CLTB: variants seen among roughly 807,000 people sequenced by gnomAD.
CLTB encodes clathrin light chain B, also known as clathrin, light chain (Lcb).
CLTB carries 10 observed loss-of-function variants against 30.5 expected under a neutral mutation model. The observed-to-expected ratio is 0.33, with a 90% CI of 0.20 to 0.56. The LOEUF (loss-of-function observed/expected upper bound fraction) is 0.56, where lower values mean the gene tolerates loss of function less well. CLTB is among the 20% of genes least tolerant of loss of function. The pLI, the probability that CLTB is intolerant of heterozygous loss-of-function variation, is 0.91. For synonymous variants in CLTB, 102 were observed against 120.3 expected, an observed-to-expected ratio of 0.85 and a Z score of 1.00; for missense variants, 261 against 308.3, an observed-to-expected ratio of 0.85 and a Z score of 1.15.
intron 2 of CLTB, among the ~76,000 whole-genome samples, chr5:176,399,877 CA>C (rs750656977): frequency 2.3e-3 from 253 of 108,688 alleles, no homozygotes; most frequent in Admixed American, 2.4e-3. Flanking sequence ...GACTTGGTCT[CA>C]AAAAAAAAAA....
At position 176,393,615 on chromosome 5, in the gene CLTB, C is replaced by T. The variant is rs952592009; in HGVS notation, c.519-670G>A. On this transcript the variant is annotated intron_variant, in intron 5 of 5. Coordinates refer to ENST00000310418, the MANE Select transcript of CLTB (RefSeq NM_007097.5). The surrounding 1 kb of genome is among the most constrained non-coding windows in gnomAD (Gnocchi z 4.4). Reference sequence around the variant, plus strand: ...CCCAAGCGTCTTTCACCACAGAGCCCTTTGTAGCCCAGAACCACCACTGTC... The same window carrying T: ...CCCAAGCGTCTTTCACCACAGAGCCTTTTGTAGCCCAGAACCACCACTGTC... Among the ~76,000 whole-genome samples, 1 of 152,158 alleles carries T rather than the reference C, an allele frequency of 6.6e-6. No individual in the cohort carries two copies. The highest frequency in any genetic ancestry group is 2.4e-5 in the African/African-American group (1 of 41,428).
chr5:176,402,496 G>A (rs145272892), intron 2 of CLTB, among the ~76,000 whole-genome samples: 7 of 152,170 alleles, frequency 4.6e-5, no homozygotes, highest in East Asian at 1.9e-4. Context: ...CCCTAGAATC[G>A]AGGGTCTACA....
At chr5:176,413,623 C>T (rs151147870) in intron 1 of CLTB, among the ~76,000 whole-genome samples, 121 of 152,354 alleles carry the variant, frequency 7.9e-4, no homozygotes, top group African/African-American at 2.2e-3. Context: ...TACTGACTGG[C>T]GGCCGCTGCT....
intron 2 of CLTB, among the ~76,000 whole-genome samples, chr5:176,403,956 C>T (rs1306457786): frequency 1.3e-5 from 2 of 151,960 alleles, no homozygotes; most frequent in Non-Finnish European, 1.5e-5. Context: ...GACAGGGTTT[C>T]ATCATGTTGT....
At chr5:176,399,237 A>G (rs1172774543) in intron 2 of CLTB, among the ~76,000 whole-genome samples, 1 of 152,198 alleles carries the variant, frequency 6.6e-6, no homozygotes, top group African/African-American at 2.4e-5. Context: ...AGCCCAGCAC[A>G]GTGCCTGGCC....
At chr5:176,401,616 T>C in intron 2 of CLTB, 1 of 407,892 alleles carries the variant, frequency 2.5e-6, no homozygotes, top group Non-Finnish European at 5.0e-6. Context: ...CATCGAGACC[T>C]CAGCCTTTAG....
chr5:176,396,605 TTA>T (rs1756535946), intron 4 of CLTB, 73 bp from the exon 5 acceptor site: 9 of 1,070,590 alleles, frequency 8.4e-6, no homozygotes, highest in African/African-American at 6.3e-5. Flanking sequence ...AGGCAGAAGG[TTA>T]GAGAGAGAGA....
At chr5:176,394,530 GGGTGTGGCCA>G (rs1202822670) in intron 5 of CLTB, among the ~76,000 whole-genome samples, 3 of 151,866 alleles carry the variant, frequency 2.0e-5, no homozygotes, top group Admixed American at 1.3e-4. Context: ...AAAATTAGCT[GGGTGTGGCCA>G]GGCGCGGTGG....
intron 5 of CLTB, among the ~76,000 whole-genome samples, chr5:176,394,198 C>T (rs76940847): frequency 9.8e-4 from 150 of 152,332 alleles, no homozygotes; most frequent in African/African-American, 3.4e-3. Context: ...GAGCTATCCT[C>T]GGAGCTGTCC....
intron 2 of CLTB, among the ~76,000 whole-genome samples, chr5:176,409,707 C>A (rs1012086158): frequency 2.6e-5 from 4 of 152,144 alleles, no homozygotes; most frequent in Non-Finnish European, 4.4e-5. Flanking sequence ...AGCCACTGCA[C>A]CCGGCCCTGA....
Position 176,410,269 on chromosome 5 carries a change from T to TC in CLTB, c.221dup (p.Asp75ArgfsTer11). ...GAGCCTTGCTTACCTGAAACACATC[T>TC]CCATTGACTGTGGTCCCCATGTCCT... On this transcript the variant is annotated frameshift_variant, in exon 2 of 6. Coordinates refer to ENST00000310418, the MANE Select transcript of CLTB (RefSeq NM_007097.5). LOFTEE classifies it high-confidence loss of function. 6.2e-7 allele frequency: 1 copy of TC among 1,613,974 alleles called. No individual in the cohort carries two copies. Among genetic ancestry groups the TC allele is most frequent in the Non-Finnish European group, 8.5e-7 (1 of 1,179,952 alleles).
chr5:176,415,440 T>C (rs1757645449), intron 1 of CLTB, among the ~76,000 whole-genome samples: 1 of 151,950 alleles, frequency 6.6e-6, no homozygotes, highest in South Asian at 2.1e-4. Flanking sequence ...CCCAACACTT[T>C]AGGAGGCAGA....
At chr5:176,396,649 A>G in intron 4 of CLTB, 117 bp from the exon 5 acceptor site, 1 of 770,182 alleles carries the variant, frequency 1.3e-6, no homozygotes, top group South Asian at 1.5e-5. Context: ...CAGTGGGAGA[A>G]ATGTTAGGAA....
chr5:176,415,500 T>G (rs1029892701), intron 1 of CLTB, among the ~76,000 whole-genome samples: 1 of 152,024 alleles, frequency 6.6e-6, no homozygotes, highest in African/African-American at 2.4e-5. Context: ...CTGGGCAACA[T>G]AGCGAGACCC....
chr5:176,415,730 T>C (rs766120879), intron 1 of CLTB, among the ~76,000 whole-genome samples: 6 of 152,086 alleles, frequency 3.9e-5, no homozygotes, highest in Non-Finnish European at 8.8e-5. Flanking sequence ...CGGGGAAGGT[T>C]AGTGAGTTCC....
Position 176,393,779 on chromosome 5 carries a change from G to A in CLTB, c.519-834C>T, listed in dbSNP as rs1191240041. The stretch of plus-strand genomic sequence containing the variant: ...AGAAGCCACTGACTAAGGGACAGTG[G>A]GGAAACAAGTAAATACAGTCTAGTG... On this transcript the variant is annotated intron_variant, in intron 5 of 5. Transcript: ENST00000310418. The surrounding 1 kb of genome is among the most constrained non-coding windows in gnomAD (Gnocchi z 4.4). Among the ~76,000 whole-genome samples the A allele has an allele frequency of 6.6e-6, 1 of 152,190 alleles. No individual in the cohort carries two copies. Among genetic ancestry groups the A allele is most frequent in the African/African-American group, 2.4e-5 (1 of 41,444 alleles).
chr5:176,396,383 C>G, intron 5 of CLTB, 96 bp downstream of exon 5: 1 of 1,141,808 alleles, frequency 8.8e-7, no homozygotes, highest in Non-Finnish European at 1.3e-6. Context: ...CGAGCCCAGC[C>G]ACACTCATTT....
At chr5:176,413,172 G>A (rs974724424) in intron 1 of CLTB, among the ~76,000 whole-genome samples, 7 of 152,006 alleles carry the variant, frequency 4.6e-5, no homozygotes, top group African/African-American at 1.4e-4. Flanking sequence ...ATCTACCACC[G>A]GGAGTCCACA....
At position 176,413,404 on chromosome 5, in the gene CLTB, G is replaced by T. The variant is rs561822918; in HGVS notation, c.187+2773C>A. Among the ~76,000 whole-genome samples, 414 of 152,328 alleles carry T rather than the reference G, an allele frequency of 2.7e-3. 4 individuals carry two copies. The highest frequency in any genetic ancestry group is 9.0e-3 in the African/African-American group (376 of 41,578). ...GCTCAGAAAACTGGGTGTGAAAATG[G>T]AAACCTACCCAAGGCTGATGAATGG... On this transcript the variant is annotated intron_variant, in intron 1 of 5. Coordinates refer to ENST00000310418, the MANE Select transcript of CLTB (RefSeq NM_007097.5).
Sources: gnomAD v4.1 joint callset for allele counts (sites outside exome capture counted in the v4.1 genomes callset) on GRCh38, gnomAD v4.1.1 for gene constraint, Gnocchi (gnomAD v3.1) non-coding constraint, MANE v1.5 for transcripts, NCBI Gene and HGNC (gene_info 2026-07-23, HGNC 2026-07-21) for gene names.